Variants in NKAIN3 observed in about 807,000 individuals in gnomAD.
NKAIN3 encodes the protein sodium/potassium-transporting ATPase subunit beta-1-interacting protein 3.
A neutral mutation model predicts 30.2 loss-of-function variants in NKAIN3; 25 were observed. The ratio of observed to expected loss-of-function variants is 0.83; its 90% confidence interval spans 0.60 to 1.16. The LOEUF (loss-of-function observed/expected upper bound fraction) is 1.16, where lower values mean the gene tolerates loss of function less well. NKAIN3 is among the 50% of genes most tolerant of loss of function. The probability of loss-of-function intolerance (pLI) is 0.00; values close to 1 mark genes in which losing one functional copy is unlikely to be tolerated. For missense variants in NKAIN3, 225 were observed against 254.1 expected, an observed-to-expected ratio of 0.89 and a Z score of 0.78; for synonymous variants, 91 against 89.6, an observed-to-expected ratio of 1.02 and a Z score of -0.09.
At chr8:62,899,850 A>G (rs188935430) in intron 4 of NKAIN3, among the ~76,000 whole-genome samples, 94 of 152,256 alleles carry the variant, frequency 6.2e-4, no homozygotes, top group African/African-American at 2.1e-3. Flanking sequence ...CATCTCATGT[A>G]CCCCACAAAT....
intron 3 of NKAIN3, among the ~76,000 whole-genome samples, chr8:62,662,196 C>T (rs1035214716): frequency 6.6e-6 from 1 of 152,242 alleles, no homozygotes; most frequent in Admixed American, 6.5e-5. Flanking sequence ...CTAACCCCAG[C>T]ACCATCAGGC....
At chr8:62,376,426 A>G (rs1302086237) in intron 1 of NKAIN3, among the ~76,000 whole-genome samples, 1 of 152,152 alleles carries the variant, frequency 6.6e-6, no homozygotes, top group Non-Finnish European at 1.5e-5. Flanking sequence ...ACACCAGCTT[A>G]TCATCTAAAT....
chr8:62,845,772 C>T (rs769187464), intron 4 of NKAIN3, among the ~76,000 whole-genome samples: 3 of 151,876 alleles, frequency 2.0e-5, no homozygotes, highest in Non-Finnish European at 2.9e-5. Flanking sequence ...ACAGTGTATT[C>T]GGAAAAGAAA....
At chr8:62,314,615 G>C (rs549572988) in intron 1 of NKAIN3, among the ~76,000 whole-genome samples, 62 of 152,224 alleles carry the variant, frequency 4.1e-4, no homozygotes, top group African/African-American at 1.3e-3. Flanking sequence ...ACTTCTCCCT[G>C]CTTGGCAGAA....
intron 1 of NKAIN3, among the ~76,000 whole-genome samples, chr8:62,405,394 C>A (rs1804030595): frequency 6.6e-6 from 1 of 152,172 alleles, no homozygotes; most frequent in Non-Finnish European, 1.5e-5. Flanking sequence ...CCACAGAGTA[C>A]TTTATTAGCC....
At chr8:62,920,739 C>T (rs142649268) in intron 5 of NKAIN3, among the ~76,000 whole-genome samples, 95 of 152,176 alleles carry the variant, frequency 6.2e-4, no homozygotes, top group African/African-American at 2.2e-3. Context: ...ATTACATTAC[C>T]AAGAGACATC....
intron 3 of NKAIN3, among the ~76,000 whole-genome samples, chr8:62,695,600 A>G (rs1814130167): frequency 6.6e-6 from 1 of 152,240 alleles, no homozygotes; most frequent in Non-Finnish European, 1.5e-5. Context: ...TTGAGGCCAG[A>G]GCCAAGAATG....
intron 3 of NKAIN3, among the ~76,000 whole-genome samples, chr8:62,597,982 C>G (rs1401938921): frequency 6.6e-6 from 1 of 152,018 alleles, no homozygotes; most frequent in African/African-American, 2.4e-5. Flanking sequence ...GAATCAATCA[C>G]AGAGGATGTG....
intron 1 of NKAIN3, among the ~76,000 whole-genome samples, chr8:62,499,463 C>T (rs1450516613): frequency 6.6e-6 from 1 of 152,102 alleles, no homozygotes; most frequent in Non-Finnish European, 1.5e-5. Context: ...ACCAACTTTG[C>T]AATACTCATG....
In NKAIN3 at chr8:62,295,782, TTTAA is replaced by T. The variant is rs200356700; in HGVS notation, c.54+46667_54+46670del. ...TTTTAATGTTCATTTAATGTCAACA[TTTAA>T]TTAATTAATTATATTTGTTTGTTTG... On this transcript the variant is annotated intron_variant, in intron 1 of 6. Coordinates refer to ENST00000623646, the MANE Select transcript of NKAIN3 (RefSeq NM_001304533.3). Among the ~76,000 whole-genome samples, 391 of 152,182 alleles carry T rather than the reference TTTAA, an allele frequency of 2.6e-3. 1 individual carries two copies. Among genetic ancestry groups the T allele is most frequent in the African/African-American group, 8.9e-3 (372 of 41,568 alleles).
downstream of NKAIN3, among the ~76,000 whole-genome samples, chr8:62,986,619 T>C (rs1367543681): frequency 6.6e-6 from 1 of 152,196 alleles, no homozygotes; most frequent in Non-Finnish European, 1.5e-5. Context: ...TTTTCTTCTC[T>C]TTCATCTTTT....
intron 4 of NKAIN3, among the ~76,000 whole-genome samples, chr8:62,795,330 G>T (rs935598289): frequency 2.0e-5 from 3 of 152,162 alleles, no homozygotes; most frequent in Admixed American, 6.5e-5. Context: ...TTGAGTTAGA[G>T]GTTAGTGAAA....
chr8:62,555,841 G>T (rs978481296), intron 1 of NKAIN3, among the ~76,000 whole-genome samples: 1 of 151,988 alleles, frequency 6.6e-6, no homozygotes, highest in African/African-American at 2.4e-5. Context: ...TAGAGTAAAA[G>T]AAAACGGACA....
chr8:62,403,804 C>T (rs1803966571), intron 1 of NKAIN3, among the ~76,000 whole-genome samples: 1 of 152,248 alleles, frequency 6.6e-6, no homozygotes, highest in Admixed American at 6.5e-5. Context: ...GGGGCACTGC[C>T]TGGTGTAGCT....
At chr8:62,384,701 G>A (rs902388881) in intron 1 of NKAIN3, among the ~76,000 whole-genome samples, 1 of 152,050 alleles carries the variant, frequency 6.6e-6, no homozygotes, top group Non-Finnish European at 1.5e-5. Context: ...TTGATTCTAA[G>A]AATTTGGTAT....
intron 1 of NKAIN3, among the ~76,000 whole-genome samples, chr8:62,266,249 T>A (rs557913588): frequency 4.6e-5 from 7 of 152,166 alleles, no homozygotes; most frequent in African/African-American, 1.7e-4. Flanking sequence ...AACACTGGAG[T>A]CTAAATAAGA....
intron 6 of NKAIN3, among the ~76,000 whole-genome samples, chr8:62,960,549 C>T (rs566565805): frequency 6.6e-6 from 1 of 152,022 alleles, no homozygotes; most frequent in East Asian, 1.9e-4. Flanking sequence ...AGTCATTTTG[C>T]CCTGTTTCCA....
At chr8:62,290,829 G>T (rs2953532) in intron 1 of NKAIN3, among the ~76,000 whole-genome samples, 1 of 152,120 alleles carries the variant, frequency 6.6e-6, no homozygotes, top group African/African-American at 2.4e-5. Flanking sequence ...GCTCCTCTTT[G>T]TACCTCTGGT....
At chr8:62,837,623 A>C (rs1819407728) in intron 4 of NKAIN3, among the ~76,000 whole-genome samples, 1 of 152,094 alleles carries the variant, frequency 6.6e-6, no homozygotes, top group Non-Finnish European at 1.5e-5. Flanking sequence ...CCCATTTCCC[A>C]TCTGTCTGCT....
Sources: gnomAD v4.1 joint callset for allele counts (sites outside exome capture counted in the v4.1 genomes callset) on GRCh38, gnomAD v4.1.1 for gene constraint, MANE v1.5 for transcripts, NCBI Gene and HGNC (gene_info 2026-07-23, HGNC 2026-07-21) for gene names.